MOB3B: variants seen among roughly 807,000 people sequenced by gnomAD.
The protein encoded by MOB3B is MOB kinase activator 3B, also known as MOB kinase activator-like 2B.
MOB3B carries 7 observed loss-of-function variants against 18.7 expected under a neutral mutation model. The ratio of observed to expected loss-of-function variants is 0.37; its 90% CI spans 0.21 to 0.70. The LOEUF (loss-of-function observed/expected upper bound fraction) is 0.70, where lower values mean the gene tolerates loss of function less well. Among genes scored for constraint, MOB3B ranks in the 30% least tolerant of loss-of-function variants. MOB3B has a pLI of 0.52. For synonymous variants in MOB3B, 111 were observed against 99.9 expected (o/e 1.11, Z -0.66); for missense variants, 253 against 281.3 (o/e 0.90, Z 0.72).
chr9:27,344,109 A>T (rs913867444), intron 3 of MOB3B, among the ~76,000 whole-genome samples: 1 of 152,186 alleles, frequency 6.6e-6, no homozygotes, highest in Non-Finnish European at 1.5e-5. Context: ...TAGAAAGGAA[A>T]AAAAAAACAT....
At chr9:27,458,762 C>T (rs948774831) in intron 1 of MOB3B, among the ~76,000 whole-genome samples, 3 of 151,798 alleles carry the variant, frequency 2.0e-5, no homozygotes, top group African/African-American at 7.3e-5. Flanking sequence ...CACTTTGTTG[C>T]CTAGGCTGGT....
chr9:27,471,676 A>G (rs1819473294), intron 1 of MOB3B, among the ~76,000 whole-genome samples: 1 of 152,254 alleles, frequency 6.6e-6, no homozygotes, highest in Non-Finnish European at 1.5e-5. Context: ...ATCCAAATAA[A>G]GCATTTGATA....
chr9:27,490,329 GAGATT>G (rs1394413392), intron 1 of MOB3B, among the ~76,000 whole-genome samples: 1 of 152,138 alleles, frequency 6.6e-6, no homozygotes, highest in Non-Finnish European at 1.5e-5. Flanking sequence ...TTTAGTGAGA[GAGATT>G]AGACACAGAC....
chr9:27,463,563 T>G (rs1371512638), intron 1 of MOB3B, among the ~76,000 whole-genome samples: 1 of 152,160 alleles, frequency 6.6e-6, no homozygotes, highest in Non-Finnish European at 1.5e-5. Flanking sequence ...TCTGGAAACT[T>G]CGCGGTCTAG....
intron 2 of MOB3B, among the ~76,000 whole-genome samples, chr9:27,393,159 A>C (rs569900411): frequency 1.3e-5 from 2 of 152,326 alleles, no homozygotes; most frequent in Admixed American, 6.5e-5. Context: ...TTTGTCACAA[A>C]ATGCACAGGG....
chr9:27,425,373 C>CAAAAA (rs57574286), intron 2 of MOB3B, among the ~76,000 whole-genome samples: 14 of 52,964 alleles, frequency 2.6e-4, no homozygotes, highest in South Asian at 5.9e-4. Context: ...AAAACTGTCT[C>CAAAAA]AAAAAAAAAA....
At chr9:27,485,056 C>A (rs1352880885) in intron 1 of MOB3B, among the ~76,000 whole-genome samples, 1 of 152,090 alleles carries the variant, frequency 6.6e-6, no homozygotes, top group Non-Finnish European at 1.5e-5. Context: ...AAGTGTTTTG[C>A]GTGGCCAGAT....
At chr9:27,523,464 C>CAAAAAA (rs55637136) in intron 1 of MOB3B, among the ~76,000 whole-genome samples, 5 of 141,652 alleles carry the variant, frequency 3.5e-5, no homozygotes, top group South Asian at 2.3e-4. Context: ...TAAACTGCAC[C>CAAAAAA]AAAAAAAAAA....
At chr9:27,511,509 GCTC>G (rs1820144105) in intron 1 of MOB3B, among the ~76,000 whole-genome samples, 1 of 152,176 alleles carries the variant, frequency 6.6e-6, no homozygotes, top group South Asian at 2.1e-4. Context: ...TGAGAAAGAA[GCTC>G]CATGGGCTCT....
At chr9:27,372,926 C>T (rs1111764) in intron 2 of MOB3B, among the ~76,000 whole-genome samples, 77,883 of 151,980 alleles carry the variant, frequency 0.51, 20,145 homozygotes, top group South Asian at 0.55. Context: ...GTTAGCGATA[C>T]TGGAAACTGG....
At chr9:27,445,384 A>C (rs1445490085) in intron 2 of MOB3B, among the ~76,000 whole-genome samples, 1 of 152,210 alleles carries the variant, frequency 6.6e-6, no homozygotes. Flanking sequence ...GAGCAGATTT[A>C]AATCAGAACT....
At chr9:27,442,368 T>C (rs1209695923) in intron 2 of MOB3B, among the ~76,000 whole-genome samples, 2 of 152,240 alleles carry the variant, frequency 1.3e-5, no homozygotes, top group Admixed American at 6.5e-5. Flanking sequence ...TCATAGAACT[T>C]ATCCTTATCT....
chr9:27,352,658 G>C (rs977545004), intron 3 of MOB3B, among the ~76,000 whole-genome samples: 2 of 152,154 alleles, frequency 1.3e-5, no homozygotes, highest in Non-Finnish European at 2.9e-5. Flanking sequence ...GGCAGTGGTG[G>C]CTGTGTGGTT....
chr9:27,424,524 G>A (rs2131415675), intron 2 of MOB3B, among the ~76,000 whole-genome samples: 1 of 152,260 alleles, frequency 6.6e-6, no homozygotes, highest in South Asian at 2.1e-4. Flanking sequence ...AGAACTGCGA[G>A]GAAGATAAAC....
chr9:27,359,176 C>T lies in MOB3B; in HGVS notation c.479G>A (p.Arg160Gln), dbSNP rs1295392659. The T allele has an allele frequency of 8.7e-6, 14 of 1,613,900 alleles. No homozygotes were observed. The highest frequency in any genetic ancestry group is 2.2e-5 in the East Asian group (1 of 44,888). ...ICKKILCRLF[R>Q]VFVHVYIHHF... ...GTGGATATAGACGTGGACAAAGACC[C>T]GGAAAAGGCGGCACAGGATCTTCTT... is the stretch of plus-strand genomic sequence containing the variant. Residue 160 changes from arginine (R) to glutamine (Q), a missense_variant, in exon 3 of 4, where the codon CGG becomes CAG. Coordinates refer to ENST00000262244, the MANE Select transcript of MOB3B (RefSeq NM_024761.5).
intron 2 of MOB3B, among the ~76,000 whole-genome samples, chr9:27,392,545 T>C (rs1821741023): frequency 6.6e-6 from 1 of 152,082 alleles, no homozygotes; most frequent in Non-Finnish European, 1.5e-5. Flanking sequence ...TAAAAGGGCA[T>C]TTTTGCACCA....
chr9:27,432,660 T>C (rs1822434450), intron 2 of MOB3B, among the ~76,000 whole-genome samples: 1 of 152,216 alleles, frequency 6.6e-6, no homozygotes, highest in African/African-American at 2.4e-5. Flanking sequence ...ATCCTGGAAG[T>C]TGTCTAGTCT....
At position 27,483,223 on chromosome 9, in the gene MOB3B, C is replaced by T. The variant is rs542558958; in HGVS notation, c.-198-27475G>A. Among the ~76,000 whole-genome samples, 14 of 147,468 alleles carry T rather than the reference C, an allele frequency of 9.5e-5. No homozygotes were observed. The East Asian group carries it at 2.7e-3, about 28-fold the overall frequency. ...TCTTGGCTCACTGCAAGCTCCGCCT[C>T]CCGGGTTCACGCCATTCTCCCGCCT... is the stretch of plus-strand genomic sequence containing the variant. On this transcript the variant is annotated intron_variant, in intron 1 of 3. Coordinates refer to ENST00000262244, the MANE Select transcript of MOB3B (RefSeq NM_024761.5).
intron 2 of MOB3B, among the ~76,000 whole-genome samples, chr9:27,437,341 T>C (rs1306774177): frequency 6.6e-6 from 1 of 152,192 alleles, no homozygotes; most frequent in Non-Finnish European, 1.5e-5. Context: ...ATAGTTCTAA[T>C]GTTCTAAACT....
Sources: allele counts gnomAD v4.1 joint callset (sites outside exome capture counted in the v4.1 genomes callset), GRCh38; gene constraint gnomAD v4.1.1; transcripts MANE v1.5; gene names NCBI Gene and HGNC (gene_info 2026-07-23, HGNC 2026-07-21).